Variants in ANXA1 observed in about 807,000 individuals in gnomAD.
ANXA1 encodes annexin A1.
ANXA1 carries 39 observed loss-of-function variants against 47.9 expected under a neutral mutation model. The ratio of observed to expected loss-of-function variants is 0.81; its 90% CI spans 0.63 to 1.06. ANXA1 has a LOEUF of 1.06. ANXA1 is among the 50% of genes least tolerant of loss of function. ANXA1 has a pLI of 0.00. For synonymous variants in ANXA1, 146 were observed against 142.5 expected (o/e 1.02, Z -0.17); for missense variants, 446 against 422.7 (o/e 1.06, Z -0.48).
chr9:73,167,678 C>A, intron 11 of ANXA1, 123 bp downstream of exon 11: 2 of 939,466 alleles, frequency 2.1e-6, no homozygotes, highest in Non-Finnish European at 3.2e-6. Flanking sequence ...AATCATTGTT[C>A]TATTTGATGA....
intron 6 of ANXA1, among the ~76,000 whole-genome samples, chr9:73,162,572 A>G (rs1467482210): frequency 2.0e-5 from 3 of 152,146 alleles, no homozygotes; most frequent in African/African-American, 4.8e-5. Context: ...AATTGCTCCC[A>G]TTGCTTCATA....
In ANXA1 at chr9:73,160,799, T is replaced by G; in HGVS notation, c.385-4T>G. The G allele has an allele frequency of 6.2e-7, 1 of 1,603,798 alleles. No individual in the cohort carries two copies. The highest frequency in any genetic ancestry group is 8.5e-7 in the Non-Finnish European group (1 of 1,173,360). On this transcript the variant is annotated splice_polypyrimidine_tract_variant and splice_region_variant and intron_variant, in intron 5 of 12. Transcript: ENST00000257497. ...ATTTATCCTTTTCTTCTCTTCAAAT[T>G]TAGGGCCTTGGAACTGATGAAGATA...
rs376171580 is a variant in ANXA1 at position 73,158,732 on chromosome 9, C to T, written c.104C>T (p.Ala35Val). The change falls in exon 3 of 13, where the codon GCG (alanine) becomes GTG (valine). Residue 35 changes from alanine to valine, a missense_variant. By Grantham distance (64) the Ala-to-Val change is moderately conservative. Coordinates refer to ENST00000257497, the MANE Select transcript of ANXA1 (RefSeq NM_000700.3). ...TCATCCAAAGGTGGTCCCGGATCAG[C>T]GGTGAGCCCCTATCCTACCTTCAAT... ...VKSSKGGPGS[A>V]VSPYPTFNPS... is the part of the protein sequence containing the mutation. 102 of 1,613,774 alleles carry T rather than the reference C, an allele frequency of 6.3e-5. No homozygotes were observed. Among genetic ancestry groups the T allele is most frequent in the Admixed American group, 4.3e-4 (26 of 59,974 alleles).
intron 4 of ANXA1, chr9:73,159,714 T>C (rs1456878662): frequency 4.2e-6 from 1 of 238,898 alleles, no homozygotes. Flanking sequence ...ATAAAGAATA[T>C]GGTCTGATTG....
chr9:73,163,925 G>T (rs1042672272), intron 8 of ANXA1, among the ~76,000 whole-genome samples: 9 of 152,104 alleles, frequency 5.9e-5, no homozygotes, highest in Non-Finnish European at 1.2e-4. Flanking sequence ...CTTTGGAATG[G>T]TTTATAGATG....
At chr9:73,160,036 G>T (rs1290655947) in intron 4 of ANXA1, among the ~76,000 whole-genome samples, 1 of 152,142 alleles carries the variant, frequency 6.6e-6, no homozygotes, top group Non-Finnish European at 1.5e-5. Flanking sequence ...TATGCTTTAA[G>T]AAGTTATTGA....
At chr9:73,169,833 T>A (rs1824293467) in intron 12 of ANXA1, among the ~76,000 whole-genome samples, 1 of 152,132 alleles carries the variant, frequency 6.6e-6, no homozygotes, top group African/African-American at 2.4e-5. Context: ...TAAAACATAA[T>A]TAATTCAGAA....
At position 73,162,861 on chromosome 9, in the gene ANXA1, G is replaced by A. The variant is rs1186739500; in HGVS notation, c.555G>A (p.Lys185=). 1.9e-6 allele frequency: 3 copies of A among 1,609,232 alleles called. No homozygotes were observed. The highest frequency in any genetic ancestry group is 2.7e-5 in the African/African-American group (2 of 74,740). ...GGAACGCTTTGCTTTCTCTTGCTAA[G>A]GTACAACTCAGATACTTTAGGAAAT... ...DFRNALLSLA[K]GDRSEDFGVN... is the part of the protein sequence containing the mutation. The change falls in exon 7 of 13, where the codon AAG becomes AAA. Residue 185 remains lysine, a splice_region_variant and synonymous_variant. Coordinates refer to ENST00000257497, the MANE Select transcript of ANXA1 (RefSeq NM_000700.3).
intron 12 of ANXA1, 29 bp downstream of exon 12, chr9:73,169,183 C>T: frequency 2.6e-6 from 4 of 1,563,758 alleles, no homozygotes; most frequent in Non-Finnish European, 3.5e-6. Context: ...AATGCCATCC[C>T]AACAAATGAA....
intron 1 of ANXA1, among the ~76,000 whole-genome samples, chr9:73,153,703 T>A (rs900164687): frequency 6.6e-6 from 1 of 152,214 alleles, no homozygotes; most frequent in Admixed American, 6.5e-5. Context: ...TTAGTGTAGA[T>A]ATGTTTTTTA....
rs370232910 is a variant in ANXA1, at chr9:73,165,154, C to T, written c.651C>T (p.Asp217=). Residue 217 remains aspartate, a synonymous_variant, in exon 9 of 13, where the codon GAC becomes GAT. Coordinates refer to ENST00000257497, the MANE Select transcript of ANXA1 (RefSeq NM_000700.3). ...YEAGERRKGT[D]VNVFNTILTT... is the part of the protein sequence containing the mutation. ...CAGGAGAAAGGAGAAAGGGGACAGACGTAAACGTGTTCAATACCATCCTTA... is the reference window on the plus strand; with the variant it reads ...CAGGAGAAAGGAGAAAGGGGACAGATGTAAACGTGTTCAATACCATCCTTA... The T allele has an allele frequency of 8.7e-6, 14 of 1,612,606 alleles. No individual in the cohort carries two copies. The highest frequency in any genetic ancestry group is 6.7e-5 in the African/African-American group (5 of 74,830).
chr9:73,169,987 G>T, intron 12 of ANXA1, 64 bp from the exon 13 acceptor site: 2 of 1,237,830 alleles, frequency 1.6e-6, no homozygotes, highest in Non-Finnish European at 2.3e-6. Flanking sequence ...TCTTCTATAA[G>T]TAAAAAAAAA....
chr9:73,158,182 G>T (rs1343042250), intron 1 of ANXA1: 1 of 240,960 alleles, frequency 4.2e-6, no homozygotes, highest in Non-Finnish European at 8.3e-6. Flanking sequence ...GCATATGGTG[G>T]GTGGTCTACA....
At chr9:73,162,110 T>A (rs1248727005) in intron 6 of ANXA1, among the ~76,000 whole-genome samples, 1 of 152,070 alleles carries the variant, frequency 6.6e-6, no homozygotes, top group African/African-American at 2.4e-5. Context: ...AAAGAAACTA[T>A]GAATGAGAAC....
At position 73,160,345 on chromosome 9, in the gene ANXA1, T is replaced by A; in HGVS notation, c.353T>A (p.Phe118Tyr). Residue 118 changes from phenylalanine to tyrosine, a missense_variant, in exon 5 of 13, where the codon TTT becomes TAT. By Grantham distance (22) the Phe-to-Tyr change is conservative (BLOSUM62 3). Coordinates refer to ENST00000257497, the MANE Select transcript of ANXA1 (RefSeq NM_000700.3). ...VLALLKTPAQ[F>Y]DADELRAAMK... ...GCTCTGCTAAAAACTCCAGCGCAAT[T>A]TGATGCTGATGAACTTCGTGCTGCC... 6.3e-7 allele frequency: 1 copy of A among 1,585,938 alleles called. No individual in the cohort carries two copies. Among genetic ancestry groups the A allele is most frequent in the Non-Finnish European group, 8.5e-7 (1 of 1,171,552 alleles).
At chr9:73,160,231 G>C in intron 4 of ANXA1, 32 bp from the exon 5 acceptor site, 1 of 1,451,498 alleles carries the variant, frequency 6.9e-7, no homozygotes, top group Non-Finnish European at 9.3e-7. Context: ...GTTACTTATT[G>C]GAAGTCCTGA....
chr9:73,162,808 A>G lies in ANXA1; in HGVS notation c.502A>G (p.Ile168Val), dbSNP rs1404935448. 1.2e-6 allele frequency: 2 copies of G among 1,613,266 alleles called. No individual in the cohort carries two copies. The highest frequency in any genetic ancestry group is 2.2e-5 in the East Asian group (1 of 44,832). Reference protein sequence around the residue: ...EELKRDLAKDITSDTSGDFRN... With the variant: ...EELKRDLAKDVTSDTSGDFRN... ...ACTGAAGAGAGATCTGGCCAAAGAC[A>G]TAACCTCAGACACATCTGGAGATTT... is the stretch of plus-strand genomic sequence containing the variant. The change falls in exon 7 of 13, where the codon ATA becomes GTA. Residue 168 changes from isoleucine to valine, a missense_variant. Physicochemically the swap from Ile to Val is conservative, Grantham distance 29 (BLOSUM62 3). Coordinates refer to ENST00000257497, the MANE Select transcript of ANXA1 (RefSeq NM_000700.3).
chr9:73,165,972 G>T, intron 9 of ANXA1, 125 bp from the exon 10 acceptor site: 1 of 623,504 alleles, frequency 1.6e-6, no homozygotes. Context: ...TGGGTATATT[G>T]CTTTAAAAGG....
intron 1 of ANXA1, 146 bp downstream of exon 1, chr9:73,152,070 T>A (rs995864037): frequency 5.9e-5 from 9 of 152,188 alleles, no homozygotes; most frequent in Non-Finnish European, 1.3e-4. Context: ...TAGAATTACA[T>A]TGGATATTTA....
Sources: gnomAD v4.1 joint callset for allele counts (sites outside exome capture counted in the v4.1 genomes callset) on GRCh38, gnomAD v4.1.1 for gene constraint, MANE v1.5 for transcripts, NCBI Gene and HGNC (gene_info 2026-07-23, HGNC 2026-07-21) for gene names.